TRAF3IP2: variants seen among roughly 807,000 people sequenced by gnomAD.
The protein encoded by TRAF3IP2 is TRAF3 interacting protein 2.
In TRAF3IP2, 35 loss-of-function variants were observed where a neutral mutation model predicts 57.9. The observed-to-expected ratio is 0.60, with a 90% CI of 0.46 to 0.80. The LOEUF is 0.80. Ranked by LOEUF, TRAF3IP2 falls within the 30% of genes least tolerant of loss-of-function variation. TRAF3IP2 has a pLI of 0.00. For missense variants in TRAF3IP2, 556 were observed against 706.4 expected (o/e 0.79, Z 2.41); for synonymous variants, 251 against 268.9 (o/e 0.93, Z 0.65).
At chr6:111,574,765 T>A (rs1338877584) in intron 4 of TRAF3IP2, 1 of 152,202 alleles carries the variant, frequency 6.6e-6, no homozygotes, top group Non-Finnish European at 1.5e-5. Flanking sequence ...GCACTGGGGT[T>A]ATTTGTTTTT....
In TRAF3IP2 at chr6:111,559,284, G is replaced by A. The variant is rs1317445706; in HGVS notation, c.*121C>T. The A allele has an allele frequency of 5.1e-6, 7 of 1,367,818 alleles. No homozygotes were observed. Among genetic ancestry groups the A allele is most frequent in the African/African-American group, 1.5e-5 (1 of 68,750 alleles). 84.7% of individuals were successfully genotyped at this position (1,367,818 alleles called of 1,614,324 possible). A position where few individuals can be genotyped will look rare whatever the true frequency, so the allele number is the denominator to read the frequency against. On this transcript the variant is annotated 3_prime_UTR_variant, in exon 9 of 9. Transcript: ENST00000368761. ...CAACAGGTTTCCTGGGGGCCAGAGGGCCTCTCGGGGAGGAACAGAAAAAAA... is the reference window on the plus strand; with the variant it reads ...CAACAGGTTTCCTGGGGGCCAGAGGACCTCTCGGGGAGGAACAGAAAAAAA...
At chr6:111,590,335 G>A (rs1352530812) in intron 2 of TRAF3IP2, among the ~76,000 whole-genome samples, 2 of 152,158 alleles carry the variant, frequency 1.3e-5, no homozygotes, top group Non-Finnish European at 2.9e-5. Context: ...GCTGGTGTTA[G>A]GTGTCCCAAC....
intron 4 of TRAF3IP2, 64 bp downstream of exon 4, chr6:111,575,579 C>T (rs1304308289): frequency 1.4e-6 from 2 of 1,479,686 alleles, no homozygotes; most frequent in East Asian, 4.8e-5. Flanking sequence ...CAGAGCGAGA[C>T]TCCGTCTCAA....
intron 2 of TRAF3IP2, among the ~76,000 whole-genome samples, chr6:111,583,593 C>T (rs1239977278): frequency 6.6e-6 from 1 of 152,224 alleles, no homozygotes; most frequent in African/African-American, 2.4e-5. Context: ...CTGTCACTGT[C>T]TTCCATCACC....
At chr6:111,602,383 C>CACAT (rs1019892889) in intron 1 of TRAF3IP2, 26 of 150,696 alleles carry the variant, frequency 1.7e-4, no homozygotes, top group African/African-American at 6.4e-4. Context: ...TTTCTCTAAG[C>CACAT]ACATGTGTGA....
rs990061316 is a variant in TRAF3IP2 at position 111,566,892 on chromosome 6, G to GT, written c.1360-333dup. 45 of 371,668 alleles carry GT rather than the reference G, an allele frequency of 1.2e-4. 1 individual carries two copies. The highest frequency in any genetic ancestry group is 9.2e-4 in the African/African-American group (44 of 47,624). 23.0% of individuals were successfully genotyped at this position (371,668 alleles called of 1,614,324 possible). On this transcript the variant is annotated intron_variant, in intron 6 of 8. Transcript: ENST00000368761. ...GCAAAAAGGCACTGCAACACCAACA[G>GT]TAAGAAGCACCCTCCCTCCCTCCAG...
In TRAF3IP2 at chr6:111,592,001, TC is replaced by T; in HGVS notation, c.85del (p.Glu29LysfsTer11). The T allele has an allele frequency of 6.2e-7, 1 of 1,614,222 alleles. No homozygotes were observed. On this transcript the variant is annotated frameshift_variant, in exon 2 of 9. Transcript: ENST00000368761. LOFTEE classifies it high-confidence loss of function. The stretch of plus-strand genomic sequence containing the variant: ...TGGAGCAGGTGGTTCTGATTCCTCT[TC>T]CGGGGAATATTCTGGGATTGGTTTC... Reference protein sequence around the residue: ...LLKPIPEYSPEEESEPPAPNI... With the variant: ...LLKPIPEYSPXEESEPPAPNI...
chr6:111,601,115 T>C, intron 1 of TRAF3IP2: 2 of 708,300 alleles, frequency 2.8e-6, no homozygotes, highest in Non-Finnish European at 5.4e-6. Flanking sequence ...CTGGTTCAGC[T>C]ATTGGGAGGG....
intron 4 of TRAF3IP2, chr6:111,573,904 G>GT (rs1430959694): frequency 1.3e-5 from 2 of 152,136 alleles, no homozygotes; most frequent in Non-Finnish European, 2.9e-5. Flanking sequence ...CTACACTGAG[G>GT]TTTTTTGAAA....
At position 111,559,244 on chromosome 6, in the gene TRAF3IP2, G is replaced by A. The variant is rs1795343458; in HGVS notation, c.*161C>T. The stretch of plus-strand genomic sequence containing the variant: ...AAGCCAGGGTGTGTGGAGGTCTCCG[G>A]GGAAGAGCTCTGCACAACAGGTTTC... On this transcript the variant is annotated 3_prime_UTR_variant, in exon 9 of 9. Coordinates refer to ENST00000368761, the MANE Select transcript of TRAF3IP2 (RefSeq NM_147686.4). The A allele has an allele frequency of 1.1e-6, 1 of 932,664 alleles. No homozygotes were observed. Among genetic ancestry groups the A allele is most frequent in the Non-Finnish European group, 1.6e-6 (1 of 632,378 alleles). 57.8% of individuals were successfully genotyped at this position (932,664 alleles called of 1,614,324 possible).
chr6:111,598,416 G>A (rs174399), intron 1 of TRAF3IP2: 95,871 of 153,622 alleles, frequency 0.62, 31,249 homozygotes, highest in Admixed American at 0.72. Context: ...TTATAATAGC[G>A]AAGACCAGAC....
At position 111,573,571 on chromosome 6, in the gene TRAF3IP2, A is replaced by G. The variant is rs76292152; in HGVS notation, c.1202-588T>C. On this transcript the variant is annotated intron_variant, in intron 4 of 8. Transcript: ENST00000368761. ...GAGTAGACCAAAGCACAGCTCAGAT[A>G]TGTTAGTAAAAAAACACTTCAGCAG... is the stretch of plus-strand genomic sequence containing the variant. The G allele has an allele frequency of 7.4e-3, 1,102 of 149,808 alleles. 8 individuals carry two copies. The highest frequency in any genetic ancestry group is 0.025 in the African/African-American group (1,033 of 41,306). The allele number at this position is 149,808 out of a possible 1,614,324, so 9.3% of individuals were successfully genotyped here. A position where few individuals can be genotyped will look rare whatever the true frequency, so the allele number is the denominator to read the frequency against.
At chr6:111,560,025 G>A (rs748930369) in intron 8 of TRAF3IP2, among the ~76,000 whole-genome samples, 1 of 152,196 alleles carries the variant, frequency 6.6e-6, no homozygotes, top group Non-Finnish European at 1.5e-5. Flanking sequence ...TGTTAGCCAG[G>A]GATCCTGGGG....
intron 4 of TRAF3IP2, among the ~76,000 whole-genome samples, chr6:111,574,367 C>A (rs182109244): frequency 1.3e-5 from 2 of 152,202 alleles, no homozygotes; most frequent in African/African-American, 4.8e-5. Context: ...GCAAGCACAT[C>A]ATATAATAAT....
At chr6:111,570,702 G>A (rs1795803703) in intron 5 of TRAF3IP2, among the ~76,000 whole-genome samples, 1 of 152,098 alleles carries the variant, frequency 6.6e-6, no homozygotes, top group African/African-American at 2.4e-5. Context: ...CAAAAAGTAA[G>A]ATCTTTTCTG....
intron 7 of TRAF3IP2, among the ~76,000 whole-genome samples, chr6:111,565,068 A>C (rs989741576): frequency 1.3e-5 from 2 of 152,064 alleles, no homozygotes; most frequent in South Asian, 4.2e-4. Flanking sequence ...AAGAGGAGGG[A>C]GCCTTATCTC....
intron 1 of TRAF3IP2, among the ~76,000 whole-genome samples, chr6:111,602,924 C>T (rs1452353325): frequency 6.6e-6 from 1 of 152,182 alleles, no homozygotes; most frequent in Admixed American, 6.5e-5. Flanking sequence ...GAGCTCCGGT[C>T]AGTCCTGGCC....
Position 111,556,624 on chromosome 6 carries a change from A to ATGTT in TRAF3IP2, c.*2777_*2780dup, listed in dbSNP as rs1178403561. ...ACCAGGTCTCAAAACTACGGAACTA[A>ATGTT]TGTTACATGTCAGAAAGTCTTACAA... is the stretch of plus-strand genomic sequence containing the variant. On this transcript the variant is annotated 3_prime_UTR_variant, in exon 9 of 9. Transcript: ENST00000368761. 2.6e-5 allele frequency: 4 copies of ATGTT among 152,272 alleles called. No individual in the cohort carries two copies. The highest frequency in any genetic ancestry group is 4.4e-5 in the Non-Finnish European group (3 of 68,052). The allele number at this position is 152,272 out of a possible 1,614,324, so 9.4% of individuals were successfully genotyped here.
chr6:111,570,188 C>T (rs6941924), intron 5 of TRAF3IP2, among the ~76,000 whole-genome samples: 119,684 of 152,114 alleles, frequency 0.79, 47,604 homozygotes, highest in East Asian at 1. Context: ...GAAATGAACC[C>T]TGCTGAAACC....
Sources: gnomAD v4.1 joint callset for allele counts (sites outside exome capture counted in the v4.1 genomes callset) on GRCh38, gnomAD v4.1.1 for gene constraint, MANE v1.5 for transcripts, NCBI Gene and HGNC (gene_info 2026-07-23, HGNC 2026-07-21) for gene names.